The following CFAP74 variants were observed in gnomAD, a reference collection of about 807,000 sequenced individuals.
CFAP74 encodes cilia and flagella associated protein 74, also known as cilia- and flagella-associated protein 74.
In CFAP74, 124 loss-of-function variants were observed where a neutral mutation model predicts 188.9. The ratio of observed to expected loss-of-function variants is 0.66; its 90% CI spans 0.57 to 0.76. The LOEUF is 0.76. Ranked by LOEUF, CFAP74 falls within the 30% of genes least tolerant of loss-of-function variation. CFAP74 has a pLI of 0.00. For missense variants in CFAP74, 2,198 were observed against 2,165.2 expected (o/e 1.02, Z -0.30); for synonymous variants, 956 against 916.7 (o/e 1.04, Z -0.77).
chr1:1,946,240 G>T, intron 20 of CFAP74, 77 bp downstream of exon 20: 1 of 1,454,368 alleles, frequency 6.9e-7, no homozygotes, highest in Non-Finnish European at 9.1e-7. Context: ...CGACCTTGTG[G>T]CCAAGGGCAG....
At chr1:1,952,719 A>G (rs1654282741) in intron 18 of CFAP74, among the ~76,000 whole-genome samples, 1 of 152,120 alleles carries the variant, frequency 6.6e-6, no homozygotes, top group South Asian at 2.1e-4. Context: ...CAGTGGTGCA[A>G]TCACAGCTCA....
chr1:1,926,591 G>T, intron 30 of CFAP74, 61 bp downstream of exon 30: 1 of 1,546,434 alleles, frequency 6.5e-7, no homozygotes, highest in South Asian at 1.2e-5. Context: ...CGTGGGGCTG[G>T]GGGAGGCGTG....
intron 27 of CFAP74, 115 bp from the exon 28 acceptor site, chr1:1,927,861 A>T: frequency 4.1e-6 from 5 of 1,229,298 alleles, no homozygotes; most frequent in Non-Finnish European, 5.6e-6. Context: ...TTGGGATTGA[A>T]TGTGGGGACG....
chr1:1,954,712 G>A, intron 18 of CFAP74: 1 of 747,110 alleles, frequency 1.3e-6, no homozygotes, highest in Non-Finnish European at 1.7e-6. Flanking sequence ...GAGCCCGGGA[G>A]GTCGAGGCTG....
intron 32 of CFAP74, 40 bp from the exon 33 acceptor site, chr1:1,925,978 C>T: frequency 1.9e-6 from 3 of 1,539,868 alleles, no homozygotes; most frequent in Non-Finnish European, 2.6e-6. Context: ...CCGATGTCTG[C>T]TGGAGCCACG....
intron 6 of CFAP74, among the ~76,000 whole-genome samples, chr1:1,978,917 G>T (rs1256205553): frequency 1.3e-5 from 2 of 152,240 alleles, no homozygotes; most frequent in African/African-American, 4.8e-5. Context: ...AGCTGGGCGT[G>T]GGAAGGCATC....
chr1:1,945,679 T>C (rs1653701086), intron 20 of CFAP74, among the ~76,000 whole-genome samples: 2 of 151,710 alleles, frequency 1.3e-5, no homozygotes, highest in Admixed American at 6.6e-5. Flanking sequence ...AATACAAAAG[T>C]TAGCCAGGTG....
At chr1:1,958,531 G>T (rs764825428) in intron 16 of CFAP74, among the ~76,000 whole-genome samples, 2 of 152,214 alleles carry the variant, frequency 1.3e-5, no homozygotes, top group Non-Finnish European at 2.9e-5. Flanking sequence ...ATTACTCGGC[G>T]GGGGCCGGGG....
chr1:1,987,855 A>G (rs1173008770), intron 4 of CFAP74: 5 of 336,634 alleles, frequency 1.5e-5, no homozygotes, highest in Non-Finnish European at 2.9e-5. Flanking sequence ...GGTCACTTGG[A>G]AAACACACGG....
intron 17 of CFAP74, 65 bp from the exon 18 acceptor site, chr1:1,955,915 G>A (rs987924391): frequency 7.8e-6 from 12 of 1,543,110 alleles, no homozygotes; most frequent in Admixed American, 1.8e-5. Flanking sequence ...GTCAGCTGCC[G>A]GAACTCCCAT....
Position 1,955,820 on chromosome 1 carries a change from AGCTT to A in CFAP74, c.2043_2046del (p.Lys681AsnfsTer15). On this transcript the variant is annotated frameshift_variant, in exon 18 of 39. Transcript: ENST00000682832. LOFTEE classifies it high-confidence loss of function. ...AAGCTGGTGGCGGCTTTGTCATACA[AGCTT>A]TTATCTTCGTAGGTCAGGAGACTGC... is the stretch of plus-strand genomic sequence containing the variant. 1 of 1,613,954 alleles carries A rather than the reference AGCTT, an allele frequency of 6.2e-7. No homozygotes were observed. The highest frequency in any genetic ancestry group is 8.5e-7 in the Non-Finnish European group (1 of 1,180,024).
intron 1 of CFAP74, among the ~76,000 whole-genome samples, chr1:1,993,903 A>C (rs1269355642): frequency 3.3e-5 from 5 of 150,832 alleles, no homozygotes; most frequent in South Asian, 2.1e-4. Context: ...AATGGCGTGA[A>C]CCCGGGAGGC....
intron 2 of CFAP74, 42 bp downstream of exon 2, chr1:1,990,847 CT>C (rs762004633): frequency 6.6e-7 from 1 of 1,517,654 alleles, no homozygotes; most frequent in Non-Finnish European, 9.1e-7. Context: ...ATTTGTTTGT[CT>C]TTTTGCTGAA....
intron 1 of CFAP74, among the ~76,000 whole-genome samples, chr1:1,998,148 G>T (rs892382009): frequency 6.6e-6 from 1 of 152,064 alleles, no homozygotes; most frequent in Non-Finnish European, 1.5e-5. Context: ...TGTGGTGGCG[G>T]GCACCTGTAA....
At chr1:1,967,296 G>A (rs1250118324) in intron 11 of CFAP74, among the ~76,000 whole-genome samples, 1 of 152,160 alleles carries the variant, frequency 6.6e-6, no homozygotes, top group African/African-American at 2.4e-5. Context: ...GAACTGGGCC[G>A]GGTAGACAGG....
At chr1:1,974,362 G>A (rs1656299749) in intron 6 of CFAP74, among the ~76,000 whole-genome samples, 164 bp from the exon 7 acceptor site, 1 of 152,214 alleles carries the variant, frequency 6.6e-6, no homozygotes. Context: ...CCCAGACACT[G>A]AGGCCCGCCC....
At chr1:1,954,931 G>A (rs76385183) in intron 18 of CFAP74, 27,732 of 1,188,330 alleles carry the variant, frequency 0.023, 474 homozygotes, top group Non-Finnish European at 0.027. Flanking sequence ...TGTGTACCAC[G>A]AACGCTCCCA....
intron 5 of CFAP74, among the ~76,000 whole-genome samples, chr1:1,986,251 G>A (rs897228815): frequency 2.6e-5 from 4 of 152,238 alleles, no homozygotes; most frequent in African/African-American, 7.2e-5. Context: ...GCCAGGTGTG[G>A]TGGCACATGC....
At chr1:1,994,658 G>A (rs747030279) in intron 1 of CFAP74, among the ~76,000 whole-genome samples, 17 of 152,282 alleles carry the variant, frequency 1.1e-4, no homozygotes, top group Admixed American at 4.6e-4. Context: ...TGCGGCCTCC[G>A]CGACGTCATT....
Sources: gnomAD v4.1 joint callset for allele counts (sites outside exome capture counted in the v4.1 genomes callset) on GRCh38, gnomAD v4.1.1 for gene constraint, MANE v1.5 for transcripts, NCBI Gene and HGNC (gene_info 2026-07-23, HGNC 2026-07-21) for gene names.